Variants in PDE1C observed in about 807,000 individuals in gnomAD.
PDE1C encodes the protein phosphodiesterase 1C, also known as dual specificity calcium/calmodulin-dependent 3',5'-cyclic nucleotide phosphodiesterase 1C.
In PDE1C, 62 loss-of-function variants were observed where a neutral mutation model predicts 93.1. The ratio of observed to expected loss-of-function variants is 0.67; its 90% CI spans 0.54 to 0.82. The LOEUF is 0.82. Ranked by LOEUF, PDE1C falls within the 40% of genes least tolerant of loss-of-function variation. The pLI is 0.00. For missense variants in PDE1C, 742 were observed against 884.6 expected (o/e 0.84, Z 2.04); for synonymous variants, 325 against 310.1 (o/e 1.05, Z -0.50).
At chr7:31,983,458 T>G (rs1224087654) in intron 2 of PDE1C, among the ~76,000 whole-genome samples, 1 of 152,108 alleles carries the variant, frequency 6.6e-6, no homozygotes, top group Non-Finnish European at 1.5e-5. Context: ...CAATAGCAAA[T>G]GCACTGAATG....
chr7:31,983,500 T>G (rs1247457128), intron 2 of PDE1C, among the ~76,000 whole-genome samples: 2 of 152,086 alleles, frequency 1.3e-5, no homozygotes, highest in Non-Finnish European at 1.5e-5. Flanking sequence ...AACTGAGAAC[T>G]CCAAACATTT....
At chr7:32,038,043 T>C (rs1178217813) in intron 2 of PDE1C, among the ~76,000 whole-genome samples, 2 of 152,154 alleles carry the variant, frequency 1.3e-5, no homozygotes, top group African/African-American at 2.4e-5. Context: ...CCTTTTTAAA[T>C]ATATGGTGGA....
chr7:32,029,433 G>A (rs778544954), intron 2 of PDE1C, among the ~76,000 whole-genome samples: 2 of 152,078 alleles, frequency 1.3e-5, no homozygotes, highest in Non-Finnish European at 1.5e-5. Flanking sequence ...GCCAAGTTAC[G>A]GAATCAACCT....
At chr7:31,878,875 T>C in intron 4 of PDE1C, 121 bp downstream of exon 4, 7 of 945,598 alleles carry the variant, frequency 7.4e-6, no homozygotes, top group Non-Finnish European at 1.1e-5. Context: ...TATCTGTTTC[T>C]ACCCACAATT....
At chr7:32,072,928 G>T (rs2128729935), upstream of PDE1C, among the ~76,000 whole-genome samples, 1 of 152,284 alleles carries the variant, frequency 6.6e-6, no homozygotes, top group Non-Finnish European at 1.5e-5. Context: ...GTTGTTTTCA[G>T]CTTTATGATT....
rs201212391 is a variant in PDE1C, at chr7:31,815,975, G to A, written c.1762C>T (p.Arg588Cys). 8 of 1,613,806 alleles carry A rather than the reference G, an allele frequency of 5.0e-6. No individual in the cohort carries two copies. Among genetic ancestry groups the A allele is most frequent in the South Asian group, 1.1e-5 (1 of 91,086 alleles). ...GTRANKSDNPRGKNSKAEKSS... is the reference protein window; with the variant it reads ...GTRANKSDNPCGKNSKAEKSS... ...TTCTCGGCTTTGGAGTTTTTCCCAC[G>A]AGGGTTGTCACTTTTGTTTGCCCGT... Residue 588 changes from arginine to cysteine, a missense_variant, in exon 15 of 18, where the codon CGT (arginine) becomes TGT (cysteine). Arg to Cys is a radical substitution (Grantham distance 180). Coordinates refer to ENST00000396191, the MANE Select transcript of PDE1C (RefSeq NM_001191057.4).
At chr7:31,630,940 A>T in the PDE1C span, among the ~76,000 whole-genome samples, 1 of 152,184 alleles carries the variant, frequency 6.6e-6, no homozygotes, top group Admixed American at 6.5e-5. Context: ...CTAGGATGAG[A>T]GGTAGAAACA....
intron 1 of PDE1C, among the ~76,000 whole-genome samples, chr7:32,226,771 G>A (rs1370730196): frequency 3.3e-5 from 5 of 152,182 alleles, no homozygotes; most frequent in Admixed American, 3.3e-4. Context: ...CACTGCTGCC[G>A]AAACACCGAG....
intron 7 of PDE1C, among the ~76,000 whole-genome samples, chr7:31,863,877 T>C (rs1406133519): frequency 6.6e-6 from 1 of 152,188 alleles, no homozygotes; most frequent in Non-Finnish European, 1.5e-5. Flanking sequence ...TAGGCAGGGA[T>C]TTATAGCCAC....
At chr7:32,292,403 A>AT (rs1307337187) in intron 1 of PDE1C, among the ~76,000 whole-genome samples, 1 of 152,156 alleles carries the variant, frequency 6.6e-6, no homozygotes, top group Non-Finnish European at 1.5e-5. Context: ...CTAAAAGTTT[A>AT]TTTTTTCTTT....
chr7:32,016,770 C>G (rs1208084242), intron 2 of PDE1C, among the ~76,000 whole-genome samples: 1 of 152,086 alleles, frequency 6.6e-6, no homozygotes, highest in Non-Finnish European at 1.5e-5. Context: ...GTAGTCTAAT[C>G]CCATTATTAT....
chr7:32,391,855 T>C (rs113780950), intron 1 of PDE1C, among the ~76,000 whole-genome samples: 14 of 151,808 alleles, frequency 9.2e-5, no homozygotes, highest in African/African-American at 3.4e-4. Flanking sequence ...TAGAGGAAAA[T>C]GTATAGCTTT....
chr7:31,641,284 G>A, the PDE1C span, among the ~76,000 whole-genome samples: 2 of 152,102 alleles, frequency 1.3e-5, no homozygotes, highest in Non-Finnish European at 2.9e-5. Flanking sequence ...CTCAAGCATT[G>A]TATCTATGGA....
At chr7:32,393,734 A>T (rs1784793255) in intron 1 of PDE1C, among the ~76,000 whole-genome samples, 1 of 152,354 alleles carries the variant, frequency 6.6e-6, no homozygotes. Context: ...TCCAGGTTAC[A>T]TTCACAATAC....
intron 1 of PDE1C, among the ~76,000 whole-genome samples, chr7:32,052,662 C>A (rs1793550397): frequency 6.6e-6 from 1 of 152,148 alleles, no homozygotes; most frequent in Non-Finnish European, 1.5e-5. Flanking sequence ...GAGCTGTGTA[C>A]CATATTTCTT....
chr7:31,880,870 TAA>T lies in PDE1C; in HGVS notation c.129-12_129-11del, dbSNP rs1562963596. Reference sequence around the variant, plus strand: ...GACCAAAGACCGTAATCTAGAAAAATAAAAAGACATAATTTCATTAGAATAGA... The same window carrying T: ...GACCAAAGACCGTAATCTAGAAAAATAAAGACATAATTTCATTAGAATAGA... On this transcript the variant is annotated splice_polypyrimidine_tract_variant and intron_variant, in intron 2 of 17. Coordinates refer to ENST00000396191, the MANE Select transcript of PDE1C (RefSeq NM_001191057.4). 1 of 1,451,504 alleles carries T rather than the reference TAA, an allele frequency of 6.9e-7. No individual in the cohort carries two copies. Among genetic ancestry groups the T allele is most frequent in the Non-Finnish European group, 9.7e-7 (1 of 1,033,348 alleles). The allele number at this position is 1,451,504 out of a possible 1,614,324, so 89.9% of individuals were successfully genotyped here. A position where few individuals can be genotyped will look rare whatever the true frequency, so the allele number is the denominator to read the frequency against.
intron 3 of PDE1C, among the ~76,000 whole-genome samples, chr7:32,117,477 G>T (rs534451305): frequency 6.6e-6 from 1 of 152,284 alleles, no homozygotes; most frequent in South Asian, 2.1e-4. Context: ...ATTATTATCA[G>T]AGCCATAACT....
intron 1 of PDE1C, chr7:32,209,598 G>A (rs1294572714): frequency 1.4e-5 from 20 of 1,388,248 alleles, no homozygotes; most frequent in Non-Finnish European, 1.9e-5. Flanking sequence ...CACCAAATAT[G>A]CCCCAATACA....
chr7:32,371,406 G>A (rs902481145), intron 1 of PDE1C, among the ~76,000 whole-genome samples: 2 of 152,124 alleles, frequency 1.3e-5, no homozygotes, highest in Admixed American at 6.5e-5. Context: ...CTTGATTAAT[G>A]TCTGTTCTGC....
Sources: allele counts gnomAD v4.1 joint callset (sites outside exome capture counted in the v4.1 genomes callset), GRCh38; gene constraint gnomAD v4.1.1; transcripts MANE v1.5; gene names NCBI Gene and HGNC (gene_info 2026-07-23, HGNC 2026-07-21).